The following LCN12 variants were observed in gnomAD, a reference collection of about 807,000 sequenced individuals.
LCN12 encodes epididymal-specific lipocalin-12.
Under a neutral mutation model 23.7 loss-of-function variants are expected in LCN12, and 15 were observed. That is an observed-to-expected ratio of 0.63 (90% CI 0.42 to 0.97). The LOEUF (loss-of-function observed/expected upper bound fraction) is 0.97, where lower values mean the gene tolerates loss of function less well. LCN12 is among the 50% of genes least tolerant of loss of function. LCN12 has a pLI of 0.00. For synonymous variants in LCN12, 116 were observed against 111.5 expected, an observed-to-expected ratio of 1.04 and a Z score of -0.25; for missense variants, 219 against 249.6, an observed-to-expected ratio of 0.88 and a Z score of 0.83.
downstream of LCN12, among the ~76,000 whole-genome samples, chr9:136,956,276 AC>A (rs141962398): frequency 7.2e-3 from 1,100 of 151,862 alleles, 17 homozygotes; most frequent in African/African-American, 0.025. Context: ...GCATCCAGAG[AC>A]CCCCAACCTG....
Position 136,953,680 on chromosome 9 carries a change from CCA to C in LCN12, c.252-18_252-17del, listed in dbSNP as rs1564447439. On this transcript the variant is annotated intron_variant, in intron 2 of 5. Transcript: ENST00000371633. ...TGCCAGCTTCCGGAGCCTTCCGCCT[CCA>C]CCTGTCCCCTCCTACAGAGGCCAGC... 2 of 1,549,114 alleles carry C rather than the reference CCA, an allele frequency of 1.3e-6. No homozygotes were observed. The highest frequency in any genetic ancestry group is 1.2e-5 in the South Asian group (1 of 82,508).
At chr9:136,950,217 C>A (rs115073671), upstream of LCN12, among the ~76,000 whole-genome samples, 1,138 of 152,278 alleles carry the variant, frequency 7.5e-3, 21 homozygotes, top group African/African-American at 0.023. Flanking sequence ...GGGGAGGAGG[C>A]GCGCCGAACC....
upstream of LCN12, chr9:136,949,717 T>TTGGGGG (rs1467765637): frequency 3.9e-5 from 6 of 152,278 alleles, no homozygotes; most frequent in East Asian, 1.2e-3. Flanking sequence ...AGGCGATGGG[T>TTGGGGG]TGGGGGTGGG....
chr9:136,953,930 G>C lies in LCN12; in HGVS notation c.414G>C (p.Thr138=), dbSNP rs772761918. 1 of 1,611,256 alleles carries C rather than the reference G, an allele frequency of 6.2e-7. No individual in the cohort carries two copies. ...QFALMLSRRH[T]SRLAVLRISL... ...CCCTGATGCTGTCCCGCAGACACAC[G>C]AGCAGGCTGGCCGTCCTCAGGATCA... The change falls in exon 4 of 6, where the codon ACG becomes ACC. Residue 138 remains threonine, a synonymous_variant. Transcript: ENST00000371633.
At chr9:136,950,169 A>C (rs984353008), upstream of LCN12, among the ~76,000 whole-genome samples, 10 of 152,230 alleles carry the variant, frequency 6.6e-5, no homozygotes, top group African/African-American at 2.4e-4. Context: ...CAATCACGTT[A>C]GACGGGAGGA....
At position 136,954,364 on chromosome 9, in the gene LCN12, C is replaced by T. The variant is rs927923159; in HGVS notation, c.550+109C>T. 3.2e-6 allele frequency: 4 copies of T among 1,256,664 alleles called. No individual in the cohort carries two copies. The East Asian group carries it at 7.7e-5, about 24-fold the overall frequency. 77.8% of individuals were successfully genotyped at this position (1,256,664 alleles called of 1,614,324 possible). A position where few individuals can be genotyped will look rare whatever the true frequency, so the allele number is the denominator to read the frequency against. ...CCCAGTGTCTACCCAGGGAGCTCAG[C>T]CCCAGCCTGCGCTCAGGGGTCTCCA... On this transcript the variant is annotated intron_variant, in intron 5 of 5. Transcript: ENST00000371633.
chr9:136,954,012 C>T (rs1266571639), intron 4 of LCN12, 48 bp downstream of exon 4: 4 of 1,590,438 alleles, frequency 2.5e-6, no homozygotes, highest in African/African-American at 2.7e-5. Flanking sequence ...CTGGAGGCAC[C>T]TCCTTCCAGG....
Position 136,954,415 on chromosome 9 carries a change from C to T in LCN12, c.550+160C>T, listed in dbSNP as rs1564448506. On this transcript the variant is annotated intron_variant, in intron 5 of 5. Transcript: ENST00000371633. ...GGCTCCTGGGTCCCTGTGCTCAACC[C>T]AGGCTCTGAGCCACCTCCTGCCGCC... 5.5e-6 allele frequency: 5 copies of T among 909,538 alleles called. No homozygotes were observed. In the Admixed American group the frequency reaches 6.1e-5, roughly 11 times the overall value. The allele number at this position is 909,538 out of a possible 1,614,324, so 56.3% of individuals were successfully genotyped here.
intron 5 of LCN12, chr9:136,954,498 C>T (rs1290587168): frequency 2.4e-5 from 14 of 580,140 alleles, no homozygotes; most frequent in Non-Finnish European, 4.0e-5. Context: ...CCCGGGCCAC[C>T]TCCTCCCGCC....
intron 5 of LCN12, chr9:136,954,756 G>C: frequency 7.7e-7 from 1 of 1,290,682 alleles, no homozygotes; most frequent in South Asian, 1.2e-5. Context: ...CCTGCCCTGG[G>C]TGGCAGCCCC....
chr9:136,955,533 C>T (rs1390929462), downstream of LCN12: 3 of 973,596 alleles, frequency 3.1e-6, no homozygotes, highest in African/African-American at 4.9e-5. Flanking sequence ...TTGGGTTGGG[C>T]AAAGAGACAG....
chr9:136,950,776 G>A (rs1435980529), upstream of LCN12, among the ~76,000 whole-genome samples: 1 of 152,206 alleles, frequency 6.6e-6, no homozygotes, highest in Non-Finnish European at 1.5e-5. Flanking sequence ...GGTGAGACAA[G>A]GCACAGCAAG....
chr9:136,955,227 C>T, intron 5 of LCN12, 144 bp from the exon 6 acceptor site: 3 of 1,463,636 alleles, frequency 2.0e-6, no homozygotes, highest in Middle Eastern at 1.9e-4. Flanking sequence ...GCCCCTTCCC[C>T]TAGACCCACT....
chr9:136,949,351 TGA>T (rs1267404113), upstream of LCN12, among the ~76,000 whole-genome samples: 1 of 152,200 alleles, frequency 6.6e-6, no homozygotes. Flanking sequence ...TGCCTGGACG[TGA>T]GAGTGCTGTG....
Position 136,952,448 on chromosome 9 carries a change from G to C in LCN12, c.114+7G>C, listed in dbSNP as rs374237959. 18 of 1,589,316 alleles carry C rather than the reference G, an allele frequency of 1.1e-5. No individual in the cohort carries two copies. The highest frequency in any genetic ancestry group is 4.0e-5 in the African/African-American group (3 of 74,442). On this transcript the variant is annotated splice_region_variant and intron_variant, in intron 1 of 5. Coordinates refer to ENST00000371633, the MANE Select transcript of LCN12 (RefSeq NM_178536.4). ...GAGCTTCCAAGGAAACCAGGTACAG[G>C]GGTTTTGACGGAAGGAGAAGCAGCC...
Position 136,953,975 on chromosome 9 carries a change from C to T in LCN12, c.448+11C>T, listed in dbSNP as rs1464095712. ...GGATCAGCCTGCTGGGTGAGCCTCC[C>T]ACCCCGTCCTGGGCCCGTGTGTGGC... is the stretch of plus-strand genomic sequence containing the variant. On this transcript the variant is annotated intron_variant, in intron 4 of 5. Transcript: ENST00000371633. 1 of 1,606,550 alleles carries T rather than the reference C, an allele frequency of 6.2e-7. No homozygotes were observed. The highest frequency in any genetic ancestry group is 2.2e-5 in the East Asian group (1 of 44,880).
At position 136,953,930 on chromosome 9, in the gene LCN12, G is replaced by A. The variant is rs772761918; in HGVS notation, c.414G>A (p.Thr138=). The change falls in exon 4 of 6, where the codon ACG becomes ACA. Residue 138 remains threonine (T), a synonymous_variant. Transcript: ENST00000371633. The part of the protein sequence containing the change: ...QFALMLSRRH[T]SRLAVLRISL... The stretch of plus-strand genomic sequence containing the variant: ...CCCTGATGCTGTCCCGCAGACACAC[G>A]AGCAGGCTGGCCGTCCTCAGGATCA... 12 of 1,611,138 alleles carry A rather than the reference G, an allele frequency of 7.4e-6. No homozygotes were observed. Among genetic ancestry groups the A allele is most frequent in the East Asian group, 2.2e-5 (1 of 44,888 alleles).
chr9:136,953,461 C>T (rs968450766), intron 2 of LCN12: 12 of 481,022 alleles, frequency 2.5e-5, no homozygotes, highest in African/African-American at 6.0e-5. Flanking sequence ...AGGGGCCGGG[C>T]GCAGTGGCGC....
intron 2 of LCN12, 188 bp from the exon 3 acceptor site, chr9:136,953,512 G>A (rs1341348028): frequency 3.5e-6 from 2 of 578,326 alleles, no homozygotes; most frequent in Admixed American, 6.4e-5. Context: ...GAGGCAGAAG[G>A]ATCACTTGAA....
Sources: gnomAD v4.1 joint callset for allele counts (sites outside exome capture counted in the v4.1 genomes callset) on GRCh38, gnomAD v4.1.1 for gene constraint, MANE v1.5 for transcripts, NCBI Gene and HGNC (gene_info 2026-07-23, HGNC 2026-07-21) for gene names.